Variants in GARNL3 observed in about 807,000 individuals in gnomAD.
GARNL3 encodes the protein GTPase activating Rap/RanGAP domain like 3, also known as GTPase-activating Rap/Ran-GAP domain-like protein 3.
In GARNL3, 63 loss-of-function variants were observed where a neutral mutation model predicts 125.0. The observed-to-expected ratio is 0.50, with a 90% confidence interval of 0.41 to 0.62. The LOEUF is 0.62. Among genes scored for constraint, GARNL3 ranks in the 20% least tolerant of loss-of-function variants. The pLI is 0.00. For synonymous variants in GARNL3, 439 were observed against 457.5 expected (o/e 0.96, Z 0.52); for missense variants, 994 against 1,244.0 (o/e 0.80, Z 3.02).
chr9:127,361,147 G>T (rs1471002584), intron 21 of GARNL3, among the ~76,000 whole-genome samples: 2 of 152,218 alleles, frequency 1.3e-5, no homozygotes, highest in East Asian at 1.9e-4. Flanking sequence ...CCAGCTAGGA[G>T]AGGTACAGTT....
intron 27 of GARNL3, among the ~76,000 whole-genome samples, chr9:127,391,079 G>A (rs1480800372): frequency 1.3e-5 from 2 of 152,110 alleles, no homozygotes; most frequent in African/African-American, 2.4e-5. Context: ...AAGGTCAGGA[G>A]TTCGAGACTA....
At chr9:127,351,975 A>G (rs778525195) in intron 17 of GARNL3, among the ~76,000 whole-genome samples, 3 of 152,188 alleles carry the variant, frequency 2.0e-5, no homozygotes, top group African/African-American at 4.8e-5. Flanking sequence ...CATCTGAGAA[A>G]GACTGGATGG....
chr9:127,310,023 C>T lies in GARNL3; in HGVS notation c.220-1613C>T, dbSNP rs543461608. ...AGACCATGCAAGATTCAGACATTTA[C>T]TGTAAACAGTAATTTAATGCCTTAT... On this transcript the variant is annotated intron_variant, in intron 2 of 27. Transcript: ENST00000373387. Among the ~76,000 whole-genome samples the T allele has an allele frequency of 2.3e-4, 35 of 152,306 alleles. 1 individual carries two copies. The highest frequency in any genetic ancestry group is 7.9e-4 in the African/African-American group (33 of 41,546).
At chr9:127,304,530 C>CTTT (rs61493807) in intron 2 of GARNL3, among the ~76,000 whole-genome samples, 1,444 of 99,126 alleles carry the variant, frequency 0.015, 30 homozygotes, top group Middle Eastern at 0.031. Flanking sequence ...TGGCTTTATT[C>CTTT]TTTTTTTTTT....
At chr9:127,307,853 C>T (rs2064998835) in intron 2 of GARNL3, among the ~76,000 whole-genome samples, 1 of 152,152 alleles carries the variant, frequency 6.6e-6, no homozygotes, top group Non-Finnish European at 1.5e-5. Context: ...CTAGGCTCTG[C>T]TCTAGCTTTG....
chr9:127,246,935 T>C (rs1424421017), intron 2 of GARNL3, among the ~76,000 whole-genome samples: 2 of 147,672 alleles, frequency 1.4e-5, no homozygotes, highest in African/African-American at 5.0e-5. Flanking sequence ...TTCCTTCTTT[T>C]TTTTTTTTTT....
At chr9:127,358,048 C>G (rs781383257) in intron 21 of GARNL3, among the ~76,000 whole-genome samples, 1 of 152,188 alleles carries the variant, frequency 6.6e-6, no homozygotes, top group African/African-American at 2.4e-5. Flanking sequence ...AGTCTACACC[C>G]CTGGCCTGAT....
At chr9:127,341,603 A>C (rs1374658753) in intron 13 of GARNL3, among the ~76,000 whole-genome samples, 1 of 152,166 alleles carries the variant, frequency 6.6e-6, no homozygotes, top group Non-Finnish European at 1.5e-5. Context: ...TGTTGGCAGC[A>C]TGGGGCTCAG....
chr9:127,316,609 GA>G (rs35521569), intron 4 of GARNL3, among the ~76,000 whole-genome samples: 3,749 of 152,116 alleles, frequency 0.025, 162 homozygotes, highest in African/African-American at 0.087. Context: ...TCTATAATTG[GA>G]AAAAAATTTA....
At chr9:127,225,456 G>A (rs970450805) in intron 1 of GARNL3, 14 of 749,258 alleles carry the variant, frequency 1.9e-5, no homozygotes, top group South Asian at 6.0e-5. Flanking sequence ...CACGTGGGGG[G>A]ATGGCGATGT....
chr9:127,227,616 CAAAA>C (rs574389180), intron 1 of GARNL3, among the ~76,000 whole-genome samples: 5 of 142,918 alleles, frequency 3.5e-5, no homozygotes, highest in Non-Finnish European at 7.6e-5. Flanking sequence ...AAACAAAAAA[CAAAA>C]AAAAAACCTA....
At chr9:127,321,755 G>A (rs540044098) in intron 6 of GARNL3, among the ~76,000 whole-genome samples, 4 of 152,310 alleles carry the variant, frequency 2.6e-5, no homozygotes, top group Non-Finnish European at 5.9e-5. Context: ...GTACGCCAGG[G>A]ATGGGTGACA....
chr9:127,331,358 T>C (rs1326977671), intron 7 of GARNL3, among the ~76,000 whole-genome samples: 1 of 151,994 alleles, frequency 6.6e-6, no homozygotes, highest in Non-Finnish European at 1.5e-5. Flanking sequence ...CCAGGCATGG[T>C]GGCATATGCT....
intron 22 of GARNL3, among the ~76,000 whole-genome samples, chr9:127,381,682 C>T (rs935881616): frequency 2.8e-4 from 43 of 151,964 alleles, no homozygotes; most frequent in Non-Finnish European, 5.7e-4. Context: ...CTGCAAGCTC[C>T]GCCTCCCGGG....
Position 127,393,095 on chromosome 9 carries a change from C to T in GARNL3, c.2883C>T (p.Gly961=), listed in dbSNP as rs1832956212. ...RSSSSDRIPS[G]SLESASTSEA... is the part of the protein sequence containing the mutation. The stretch of plus-strand genomic sequence containing the variant: ...TTTTCTCTTCTAGGATCCCATCAGG[C>T]TCCTTGGAAAGTGCTTCTACTTCCG... The change falls in exon 28 of 28, where the codon GGC becomes GGT. Residue 961 remains glycine, a synonymous_variant. Coordinates refer to ENST00000373387, the MANE Select transcript of GARNL3 (RefSeq NM_032293.5). 1 of 1,602,578 alleles carries T rather than the reference C, an allele frequency of 6.2e-7. No homozygotes were observed. The highest frequency in any genetic ancestry group is 1.7e-5 in the Admixed American group (1 of 59,776).
chr9:127,359,022 C>T (rs1293744182), intron 21 of GARNL3, among the ~76,000 whole-genome samples: 1 of 152,078 alleles, frequency 6.6e-6, no homozygotes, highest in Admixed American at 6.6e-5. Context: ...CCAGGTGATA[C>T]TAATATAGAC....
intron 22 of GARNL3, among the ~76,000 whole-genome samples, chr9:127,382,355 T>G (rs1376517253): frequency 6.6e-6 from 1 of 151,978 alleles, no homozygotes; most frequent in Non-Finnish European, 1.5e-5. Flanking sequence ...AAGAAATGTA[T>G]GGCTAAAACA....
At chr9:127,257,716 T>C (rs2063517161) in intron 2 of GARNL3, among the ~76,000 whole-genome samples, 1 of 152,192 alleles carries the variant, frequency 6.6e-6, no homozygotes, top group African/African-American at 2.4e-5. Flanking sequence ...TGTCTGAGAA[T>C]GTATACTGGC....
At chr9:127,304,530 CTTTTTTTTT>C (rs61493807) in intron 2 of GARNL3, among the ~76,000 whole-genome samples, 128 of 99,260 alleles carry the variant, frequency 1.3e-3, no homozygotes, top group African/African-American at 4.2e-3. Context: ...TGGCTTTATT[CTTTTTTTTT>C]TTTTTTTTTT....
Sources: gnomAD v4.1 joint callset for allele counts (sites outside exome capture counted in the v4.1 genomes callset) on GRCh38, gnomAD v4.1.1 for gene constraint, MANE v1.5 for transcripts, NCBI Gene and HGNC (gene_info 2026-07-23, HGNC 2026-07-21) for gene names.